The following EXD3 variants were observed in gnomAD, a reference collection of about 807,000 sequenced individuals.
The protein encoded by EXD3 is exonuclease 3'-5' domain containing 3, also known as exonuclease mut-7 homolog.
A neutral mutation model predicts 98.0 loss-of-function variants in EXD3; 92 were observed. The ratio of observed to expected loss-of-function variants is 0.94; its 90% CI spans 0.79 to 1.12. EXD3 has a LOEUF of 1.12. Ranked by LOEUF, EXD3 falls within the 50% of genes most tolerant of loss-of-function variation. The pLI is 0.00. For synonymous variants in EXD3, 569 were observed against 526.0 expected (o/e 1.08, Z -1.12); for missense variants, 1,222 against 1,191.6 (o/e 1.03, Z -0.38).
At chr9:137,421,778 C>A (rs1208271583) in intron 1 of EXD3, among the ~76,000 whole-genome samples, 1 of 152,128 alleles carries the variant, frequency 6.6e-6, no homozygotes, top group African/African-American at 2.4e-5. Context: ...TTCAAGGCTG[C>A]GATGAGTGGG....
intron 1 of EXD3, among the ~76,000 whole-genome samples, chr9:137,406,222 AG>A (rs199947874): frequency 0.011 from 1,615 of 145,338 alleles, 39 homozygotes; most frequent in African/African-American, 0.037. Context: ...TTTCCAAAAA[AG>A]AAAAAGAAAA....
At chr9:137,370,826 T>G (rs574175919) in intron 5 of EXD3, among the ~76,000 whole-genome samples, 10 of 151,408 alleles carry the variant, frequency 6.6e-5, no homozygotes, top group Non-Finnish European at 1.3e-4. Flanking sequence ...CAAAGCTATC[T>G]TTTTACCTTG....
intron 1 of EXD3, among the ~76,000 whole-genome samples, chr9:137,406,458 C>A (rs1347878366): frequency 6.6e-6 from 1 of 152,152 alleles, no homozygotes. Context: ...CAGGGAGGCC[C>A]TGACAGGAGG....
chr9:137,369,152 G>A (rs1311623283), intron 5 of EXD3, among the ~76,000 whole-genome samples: 1 of 146,450 alleles, frequency 6.8e-6, no homozygotes, highest in African/African-American at 2.5e-5. Flanking sequence ...GCCGGGGCGG[G>A]GCCTCAGGGC....
Position 137,328,592 on chromosome 9 carries a change from C to G in EXD3, c.1999-4449G>C, listed in dbSNP as rs1467674126. Among the ~76,000 whole-genome samples, 19 of 19,614 alleles carry G rather than the reference C, an allele frequency of 9.7e-4. No individual in the cohort carries two copies. In the South Asian group the frequency reaches 0.031, roughly 32 times the overall value. 12.9% of individuals were successfully genotyped at this position (19,614 alleles called of 152,430 possible). A position where few individuals can be genotyped will look rare whatever the true frequency, so the allele number is the denominator to read the frequency against. On this transcript the variant is annotated intron_variant, in intron 17 of 21. Transcript: ENST00000340951. ...CTAGTTACACAGGAGCTACACGGGA[C>G]TACACGGGACTACACGGGGCTACAC...
chr9:137,398,911 G>A (rs1256286048), intron 1 of EXD3, among the ~76,000 whole-genome samples: 3 of 147,538 alleles, frequency 2.0e-5, no homozygotes, highest in Non-Finnish European at 4.5e-5. Flanking sequence ...AGACACACAG[G>A]CAACCGCGTC....
rs189325490 is a variant in EXD3, at chr9:137,414,846, G to A, written c.-48+8268C>T. ...CCGTGGGCTCCACGTAGGTCGCAGG[G>A]TTTCTTTGTATGTTTGTTTTTATGT... On this transcript the variant is annotated intron_variant, in intron 1 of 21. Coordinates refer to ENST00000340951, the MANE Select transcript of EXD3 (RefSeq NM_017820.5). Among the ~76,000 whole-genome samples, 22 of 152,248 alleles carry A rather than the reference G, an allele frequency of 1.4e-4. No individual in the cohort carries two copies. The East Asian group carries it at 3.5e-3, about 24-fold the overall frequency.
intron 17 of EXD3, among the ~76,000 whole-genome samples, chr9:137,327,973 CA>C (rs1238106612): frequency 1.3e-5 from 2 of 151,746 alleles, no homozygotes; most frequent in Admixed American, 6.6e-5. Context: ...TGAGTAAAAA[CA>C]ACTAATATAC....
At chr9:137,418,721 G>A (rs1231943803) in intron 1 of EXD3, among the ~76,000 whole-genome samples, 1 of 151,700 alleles carries the variant, frequency 6.6e-6, no homozygotes, top group African/African-American at 2.4e-5. Context: ...ACAACATTTC[G>A]TGTAGTAATA....
Position 137,371,517 on chromosome 9 carries a change from C to T in EXD3, c.462+1388G>A, listed in dbSNP as rs548393521. ...AGAGGAACCCAGGGTGCCATCGGGACGGCGTCTCAGCAGCAGGGTCCCACG... is the reference window on the plus strand; with the variant it reads ...AGAGGAACCCAGGGTGCCATCGGGATGGCGTCTCAGCAGCAGGGTCCCACG... On this transcript the variant is annotated intron_variant, in intron 5 of 21. Transcript: ENST00000340951. This position sits in a 1 kb window ranked among gnomAD's most constrained non-coding sequence, Gnocchi z 8.0. 8.3e-4 allele frequency among the ~76,000 whole-genome samples: 127 copies of T among 152,228 alleles called. No homozygotes were observed. The highest frequency in any genetic ancestry group is 2.8e-3 in the African/African-American group (116 of 41,540).
Position 137,395,521 on chromosome 9 carries a change from T to A in EXD3, c.-47-117A>T. 1 of 926,820 alleles carries A rather than the reference T, an allele frequency of 1.1e-6. No individual in the cohort carries two copies. The highest frequency in any genetic ancestry group is 1.6e-6 in the Non-Finnish European group (1 of 615,834). The allele number at this position is 926,820 out of a possible 1,614,324, so 57.4% of individuals were successfully genotyped here. ...GAGCTGGTGCCTGGGGGGGCCCAAG[T>A]GGGACCCCCAGTCGCTGAGCATAGC... On this transcript the variant is annotated intron_variant, in intron 1 of 21. Coordinates refer to ENST00000340951, the MANE Select transcript of EXD3 (RefSeq NM_017820.5). This position sits in a 1 kb window ranked among gnomAD's most constrained non-coding sequence, Gnocchi z 6.5.
chr9:137,372,223 T>C (rs912972245), intron 5 of EXD3, among the ~76,000 whole-genome samples: 1 of 152,108 alleles, frequency 6.6e-6, no homozygotes, highest in African/African-American at 2.4e-5. Context: ...CAGTGAAGGG[T>C]TGGATACTGA....
intron 8 of EXD3, 129 bp from the exon 9 acceptor site, chr9:137,354,902 G>T: frequency 1.1e-6 from 1 of 909,006 alleles, no homozygotes; most frequent in Non-Finnish European, 1.6e-6. Context: ...CTGCCCCGGA[G>T]CCCACCCCCT....
At position 137,422,847 on chromosome 9, in the gene EXD3, G is replaced by C. The variant is rs1485944628; in HGVS notation, c.-48+267C>G. Among the ~76,000 whole-genome samples, 4 of 152,266 alleles carry C rather than the reference G, an allele frequency of 2.6e-5. No individual in the cohort carries two copies. The East Asian group carries it at 7.8e-4, about 30-fold the overall frequency. On this transcript the variant is annotated intron_variant, in intron 1 of 21. Coordinates refer to ENST00000340951, the MANE Select transcript of EXD3 (RefSeq NM_017820.5). ...GAAGGCGCGGAGGAGGGCAGGCCCT[G>C]CGGGACAGGGCGGCGGGGTCGCCGG...
At chr9:137,353,545 A>C in intron 10 of EXD3, 2 of 986,036 alleles carry the variant, frequency 2.0e-6, no homozygotes, top group Non-Finnish European at 2.4e-6. Flanking sequence ...GGTGGCAATG[A>C]CCAAGGGGGT....
At position 137,371,458 on chromosome 9, in the gene EXD3, A is replaced by G. The variant is rs1373420187; in HGVS notation, c.462+1447T>C. On this transcript the variant is annotated intron_variant, in intron 5 of 21. Coordinates refer to ENST00000340951, the MANE Select transcript of EXD3 (RefSeq NM_017820.5). The surrounding 1 kb of genome is among the most constrained non-coding windows in gnomAD (Gnocchi z 8.0). ...CCCCGATGCCCGTGCCCAGGTTCCA[A>G]TGCACCTCCTCACGGTGAGGGGTCT... Among the ~76,000 whole-genome samples the G allele has an allele frequency of 2.0e-5, 3 of 152,124 alleles. No homozygotes were observed. Among genetic ancestry groups the G allele is most frequent in the South Asian group, 4.1e-4 (2 of 4,828 alleles).
intron 2 of EXD3, chr9:137,392,339 A>G (rs1044919250): frequency 8.3e-5 from 13 of 155,988 alleles, no homozygotes; most frequent in African/African-American, 3.1e-4. Flanking sequence ...CTCTCCTCCA[A>G]TGACCTGGAC....
chr9:137,403,534 C>T lies in EXD3; in HGVS notation c.-47-8130G>A, dbSNP rs1018000777. ...CCCAGGTCCGTTTCAGCCCTCCAGA[C>T]GCCCGTACCCAGGAAACCTGGGCCT... On this transcript the variant is annotated intron_variant, in intron 1 of 21. Coordinates refer to ENST00000340951, the MANE Select transcript of EXD3 (RefSeq NM_017820.5). The surrounding 1 kb of genome is among the most constrained non-coding windows in gnomAD (Gnocchi z 6.1). 1.3e-5 allele frequency among the ~76,000 whole-genome samples: 2 copies of T among 152,140 alleles called. No individual in the cohort carries two copies. Among genetic ancestry groups the T allele is most frequent in the African/African-American group, 2.4e-5 (1 of 41,446 alleles).
chr9:137,347,373 T>G lies in EXD3; in HGVS notation c.1998+698A>C, dbSNP rs1043941856. 2.6e-5 allele frequency among the ~76,000 whole-genome samples: 4 copies of G among 152,212 alleles called. No homozygotes were observed. The highest frequency in any genetic ancestry group is 9.6e-5 in the African/African-American group (4 of 41,574). ...TTTCCTTGTGCGGCGTCCTCCATCT[T>G]CAAGCCAACAATGGGACACTGAATC... On this transcript the variant is annotated intron_variant, in intron 17 of 21. Transcript: ENST00000340951. This position sits in a 1 kb window ranked among gnomAD's most constrained non-coding sequence, Gnocchi z 4.2.
Sources: gnomAD v4.1 joint callset for allele counts (sites outside exome capture counted in the v4.1 genomes callset) on GRCh38, gnomAD v4.1.1 for gene constraint, Gnocchi (gnomAD v3.1) non-coding constraint, MANE v1.5 for transcripts, NCBI Gene and HGNC (gene_info 2026-07-23, HGNC 2026-07-21) for gene names.